The following TBC1D9B variants were observed in gnomAD, a reference collection of about 807,000 sequenced individuals.
TBC1D9B encodes the protein TBC1 domain family, member 9B (with GRAM domain).
A neutral mutation model predicts 121.1 loss-of-function variants in TBC1D9B; 87 were observed. The observed-to-expected ratio is 0.72, with a 90% CI of 0.60 to 0.86. The LOEUF is 0.86. Among genes scored for constraint, TBC1D9B ranks in the 40% least tolerant of loss-of-function variants. The probability of loss-of-function intolerance (pLI) is 0.00; values close to 1 mark genes in which losing one functional copy is unlikely to be tolerated. For synonymous variants in TBC1D9B, 668 were observed against 670.1 expected (o/e 1.00, Z 0.05); for missense variants, 1,540 against 1,628.6 (o/e 0.95, Z 0.94).
In TBC1D9B at chr5:179,904,680, C is replaced by G. The variant is rs1489097912; in HGVS notation, c.229+22G>C. The G allele has an allele frequency of 1.3e-6, 2 of 1,549,290 alleles. No homozygotes were observed. The highest frequency in any genetic ancestry group is 1.7e-6 in the Non-Finnish European group (2 of 1,145,370). Reference sequence around the variant, plus strand: ...TCCAGGGCAGGCCCTGCCCAGCACCCCTCACCACTCAGGGCACCTACCACA... The same window carrying G: ...TCCAGGGCAGGCCCTGCCCAGCACCGCTCACCACTCAGGGCACCTACCACA... On this transcript the variant is annotated intron_variant, in intron 2 of 20. Transcript: ENST00000355235. The surrounding 1 kb of genome is among the most constrained non-coding windows in gnomAD (Gnocchi z 4.2).
At chr5:179,892,866 C>T (rs1175885323) in intron 5 of TBC1D9B, among the ~76,000 whole-genome samples, 2 of 152,188 alleles carry the variant, frequency 1.3e-5, no homozygotes, top group Admixed American at 6.5e-5. Flanking sequence ...GCTCACTAAC[C>T]GAGGGACTTC....
intron 5 of TBC1D9B, among the ~76,000 whole-genome samples, chr5:179,892,953 T>C (rs1760906619): frequency 6.6e-6 from 1 of 152,204 alleles, no homozygotes; most frequent in African/African-American, 2.4e-5. Flanking sequence ...CTTCCCATCA[T>C]AGGGCCAAGA....
At chr5:179,892,035 T>C (rs1355533208) in intron 5 of TBC1D9B, among the ~76,000 whole-genome samples, 1 of 152,158 alleles carries the variant, frequency 6.6e-6, no homozygotes, top group African/African-American at 2.4e-5. Context: ...CAGGGAGGTG[T>C]GGAGCTTAAA....
intron 15 of TBC1D9B, chr5:179,870,840 G>C: frequency 3.5e-6 from 1 of 282,474 alleles, no homozygotes; most frequent in Non-Finnish European, 6.7e-6. Context: ...CTAGGAGGCA[G>C]GCAGAGCTGG....
chr5:179,894,430 G>A lies in TBC1D9B; in HGVS notation c.533C>T (p.Thr178Met), dbSNP rs750280553. ...RVPRQGWLYLTVNHLCFYSFL... is the reference protein window; with the variant it reads ...RVPRQGWLYLMVNHLCFYSFL... ...GGAGTAGAAGCACAGGTGGTTGACC[G>A]TCAGGTACAGCCAGCCCTGCCGGGG... The change falls in exon 4 of 21, where the codon ACG (threonine) becomes ATG (methionine). Residue 178 changes from threonine (T) to methionine (M), a missense_variant. Coordinates refer to ENST00000355235, the MANE Select transcript of TBC1D9B (RefSeq NM_015043.4). 34 of 1,613,884 alleles carry A rather than the reference G, an allele frequency of 2.1e-5. No individual in the cohort carries two copies. Among genetic ancestry groups the A allele is most frequent in the South Asian group, 4.4e-5 (4 of 91,086 alleles).
At chr5:179,872,848 G>GCCCCCCCCACCCCCCCCCCCCCCC in intron 14 of TBC1D9B, 44 bp downstream of exon 14, 1 of 1,457,256 alleles carries the variant, frequency 6.9e-7, no homozygotes, top group East Asian at 2.4e-5. Flanking sequence ...AGGCACTGCT[G>GCCCCCCCCACCCCCCCCCCCCCCC]CCCCCCCAGC....
In TBC1D9B at chr5:179,891,281, C is replaced by A; in HGVS notation, c.1044+98G>T. On this transcript the variant is annotated intron_variant, in intron 6 of 20. Coordinates refer to ENST00000355235, the MANE Select transcript of TBC1D9B (RefSeq NM_015043.4). The surrounding 1 kb of genome is among the most constrained non-coding windows in gnomAD (Gnocchi z 4.3). The stretch of plus-strand genomic sequence containing the variant: ...GGGCTAGGGCATCCTCCCAGGTACC[C>A]CCCAGTGAGACAGGGCAGAGCAGGA... The A allele has an allele frequency of 7.1e-7, 1 of 1,401,488 alleles. No homozygotes were observed. The highest frequency in any genetic ancestry group is 1.4e-5 in the African/African-American group (1 of 71,028). 86.8% of individuals were successfully genotyped at this position (1,401,488 alleles called of 1,614,324 possible).
chr5:179,886,440 G>A (rs1760687162), intron 7 of TBC1D9B, among the ~76,000 whole-genome samples: 1 of 152,118 alleles, frequency 6.6e-6, no homozygotes, highest in African/African-American at 2.4e-5. Context: ...AGGCAGAGGA[G>A]GCTCGACCAC....
chr5:179,907,801 C>T lies in TBC1D9B; in HGVS notation c.21G>A (p.Glu7=), dbSNP rs1761367819. Residue 7 remains glutamate (E), a synonymous_variant, in exon 1 of 21, where the codon GAG becomes GAA. Coordinates refer to ENST00000355235, the MANE Select transcript of TBC1D9B (RefSeq NM_015043.4). This position sits in a 1 kb window ranked among gnomAD's most constrained non-coding sequence, Gnocchi z 5.3. ...CCCACAGCGCATTGGCCACCAGCAC[C>T]TCCTCCGGGCTCAGCCACATCGCGG... The part of the protein sequence containing the change: MWLSPE[E]VLVANALWVT... 2 of 1,208,608 alleles carry T rather than the reference C, an allele frequency of 1.7e-6. No individual in the cohort carries two copies. The highest frequency in any genetic ancestry group is 3.1e-5 in the South Asian group (2 of 65,292). The allele number at this position is 1,208,608 out of a possible 1,614,324, so 74.9% of individuals were successfully genotyped here.
In TBC1D9B at chr5:179,907,500, AGCCCCTCGCCTCCCCGCCCCG is replaced by A. The variant is rs1244466234; in HGVS notation, c.118+183_118+203del. On this transcript the variant is annotated intron_variant, in intron 1 of 20. Transcript: ENST00000355235. This position sits in a 1 kb window ranked among gnomAD's most constrained non-coding sequence, Gnocchi z 5.3. The stretch of plus-strand genomic sequence containing the variant: ...GCCGAGGGCGCATTCGCCTCCCGCC[AGCCCCTCGCCTCCCCGCCCCG>A]GCCCCTCCGCGCCCGGCTCCCGGGT... Among the ~76,000 whole-genome samples the A allele has an allele frequency of 6.7e-6, 1 of 150,308 alleles. No homozygotes were observed. Among genetic ancestry groups the A allele is most frequent in the Non-Finnish European group, 1.5e-5 (1 of 67,398 alleles).
chr5:179,879,749 C>T lies in TBC1D9B; in HGVS notation c.1295G>A (p.Ser432Asn). Residue 432 changes from serine to asparagine, a missense_variant, in exon 8 of 21, where the codon AGC (serine) becomes AAC (asparagine). Physicochemically the swap from Ser to Asn is conservative, Grantham distance 46 (BLOSUM62 1). Coordinates refer to ENST00000355235, the MANE Select transcript of TBC1D9B (RefSeq NM_015043.4). ...GCGGCTGCTGAGGGGAGAGGCTGGG[C>T]TGGCGGGCTGCTCCGACCCCTCCTG... ...APQEGSEQPASPASPLSSRQS... is the reference protein window; with the variant it reads ...APQEGSEQPANPASPLSSRQS... 1 of 1,613,884 alleles carries T rather than the reference C, an allele frequency of 6.2e-7. No homozygotes were observed. Among genetic ancestry groups the T allele is most frequent in the Non-Finnish European group, 8.5e-7 (1 of 1,179,942 alleles).
rs1760446982 is a variant in TBC1D9B at position 179,878,991 on chromosome 5, A to T, written c.1567+56T>A. 4 of 1,573,312 alleles carry T rather than the reference A, an allele frequency of 2.5e-6. No homozygotes were observed. In the Admixed American group the frequency reaches 6.9e-5, roughly 27 times the overall value. On this transcript the variant is annotated intron_variant, in intron 9 of 20. Transcript: ENST00000355235. ...TCAGGACAGACGAGCTCACACGGGG[A>T]GAGCTTGGGGACTGACTGGCTGAGC...
At chr5:179,888,355 C>T (rs190162351) in intron 6 of TBC1D9B, 43 bp from the exon 7 acceptor site, 1 of 1,592,936 alleles carries the variant, frequency 6.3e-7, no homozygotes, top group Non-Finnish European at 8.6e-7. Context: ...GCATCTCAGG[C>T]CCTGCAGCTG....
intron 10 of TBC1D9B, among the ~76,000 whole-genome samples, chr5:179,877,384 C>T (rs1760390068): frequency 6.6e-6 from 1 of 150,896 alleles, no homozygotes; most frequent in Admixed American, 6.6e-5. Flanking sequence ...AAATACTGGC[C>T]AGGCACAGTG....
chr5:179,896,672 G>A (rs1191806302), intron 3 of TBC1D9B, among the ~76,000 whole-genome samples: 2 of 151,976 alleles, frequency 1.3e-5, no homozygotes, highest in Non-Finnish European at 1.5e-5. Context: ...ACAGGTGCGC[G>A]ACACCATGCC....
At chr5:179,872,848 G>GCCCCCCCCCCCCCCCCCCCC in intron 14 of TBC1D9B, 44 bp downstream of exon 14, 6 of 1,457,246 alleles carry the variant, frequency 4.1e-6, no homozygotes, top group Non-Finnish European at 5.7e-6. Flanking sequence ...AGGCACTGCT[G>GCCCCCCCCCCCCCCCCCCCC]CCCCCCCAGC....
rs1478355112 is a variant in TBC1D9B, at chr5:179,872,911, T to A, written c.2396A>T (p.Asp799Val). 2 of 1,598,810 alleles carry A rather than the reference T, an allele frequency of 1.3e-6. No individual in the cohort carries two copies. Among genetic ancestry groups the A allele is most frequent in the Non-Finnish European group, 1.7e-6 (2 of 1,173,678 alleles). The change falls in exon 14 of 21, where the codon GAC (aspartate) becomes GTC (valine). Residue 799 changes from aspartate (D) to valine (V), a missense_variant. Asp to Val is a radical substitution (Grantham distance 152, BLOSUM62 -3). Coordinates refer to ENST00000355235, the MANE Select transcript of TBC1D9B (RefSeq NM_015043.4). ...QRLKVIQSLE[D>V]TAKRSVVRAI... ...CCATACCACACTCCTCTTGGCCGTG[T>A]CCTCCAAGGACTGGATCACTTTCAG...
chr5:179,879,847 G>C, intron 7 of TBC1D9B, 58 bp from the exon 8 acceptor site: 1 of 1,520,876 alleles, frequency 6.6e-7, no homozygotes, highest in Middle Eastern at 1.8e-4. Context: ...GGTGGCCTCT[G>C]ATGCGCCCAT....
Position 179,893,406 on chromosome 5 carries a change from G to A in TBC1D9B, c.639C>T (p.Phe213=), listed in dbSNP as rs748347408. Residue 213 remains phenylalanine, a synonymous_variant, in exon 5 of 21, where the codon TTC becomes TTT. Coordinates refer to ENST00000355235, the MANE Select transcript of TBC1D9B (RefSeq NM_015043.4). ...TRLEKNATLL[F]PESIRVDTRD... is the part of the protein sequence containing the mutation. ...GGGTGTCCACACGGATGCTCTCGGGGAAGAGCAGGGTGGCGTTCTTCTCCA... is the reference window on the plus strand; with the variant it reads ...GGGTGTCCACACGGATGCTCTCGGGAAAGAGCAGGGTGGCGTTCTTCTCCA... 2.2e-5 allele frequency: 35 copies of A among 1,613,972 alleles called. No individual in the cohort carries two copies. The highest frequency in any genetic ancestry group is 2.5e-5 in the Non-Finnish European group (30 of 1,179,984).
Sources: allele counts gnomAD v4.1 joint callset (sites outside exome capture counted in the v4.1 genomes callset), GRCh38; gene constraint gnomAD v4.1.1; non-coding constraint Gnocchi (gnomAD v3.1); transcripts MANE v1.5; gene names NCBI Gene and HGNC (gene_info 2026-07-23, HGNC 2026-07-21).